Variants in PPA2 observed in about 807,000 individuals in gnomAD.
PPA2 encodes the protein inorganic pyrophosphatase 2, also known as inorganic pyrophosphatase 2, mitochondrial.
In PPA2, 48 loss-of-function variants were observed where a neutral mutation model predicts 49.5. The ratio of observed to expected loss-of-function variants is 0.97; its 90% confidence interval spans 0.77 to 1.23. The LOEUF (loss-of-function observed/expected upper bound fraction) is 1.23. Ranked by LOEUF, PPA2 falls within the 50% of genes most tolerant of loss-of-function variation. PPA2 has a pLI of 0.00. For synonymous variants in PPA2, 131 were observed against 139.9 expected (o/e 0.94, Z 0.45); for missense variants, 429 against 410.1 (o/e 1.05, Z -0.40).
chr4:105,473,830 C>G (rs1331019704), intron 1 of PPA2, 64 bp downstream of exon 1: 1 of 1,553,362 alleles, frequency 6.4e-7, no homozygotes, highest in African/African-American at 1.4e-5. Context: ...CAAGTGTCCC[C>G]CATTCCATCC....
At chr4:105,436,612 G>A (rs751695360) in intron 6 of PPA2, among the ~76,000 whole-genome samples, 1 of 151,902 alleles carries the variant, frequency 6.6e-6, no homozygotes, top group Non-Finnish European at 1.5e-5. Flanking sequence ...ACATGGTACT[G>A]GTACAAAAAT....
intron 3 of PPA2, among the ~76,000 whole-genome samples, chr4:105,451,431 G>A (rs2023840): frequency 0.89 from 135,281 of 152,282 alleles, 60,604 homozygotes; most frequent in African/African-American, 0.97. Flanking sequence ...ATTCTCAATA[G>A]CTGCTCCTTA....
At chr4:105,470,208 C>T (rs2866883) in intron 1 of PPA2, among the ~76,000 whole-genome samples, 126,074 of 152,220 alleles carry the variant, frequency 0.83, 52,476 homozygotes, top group Non-Finnish European at 0.85. Flanking sequence ...AACAAAAACA[C>T]GCAAGATATC....
At chr4:105,411,571 T>G (rs948237624) in intron 7 of PPA2, among the ~76,000 whole-genome samples, 7 of 152,228 alleles carry the variant, frequency 4.6e-5, no homozygotes, top group Non-Finnish European at 1.0e-4. Flanking sequence ...TTCAACATAG[T>G]GTTGGAAGTT....
intron 7 of PPA2, among the ~76,000 whole-genome samples, chr4:105,408,587 T>G (rs1261051800): frequency 6.6e-6 from 1 of 152,126 alleles, no homozygotes; most frequent in Admixed American, 6.5e-5. Context: ...ATTGAGGGAA[T>G]CTGGTGACAA....
At chr4:105,470,649 C>G (rs190478578) in intron 1 of PPA2, among the ~76,000 whole-genome samples, 60 of 152,326 alleles carry the variant, frequency 3.9e-4, no homozygotes, top group Non-Finnish European at 6.3e-4. Flanking sequence ...AGTCTAATGT[C>G]TTAAAGTCAA....
At chr4:105,404,545 T>G (rs1722369853) in intron 7 of PPA2, among the ~76,000 whole-genome samples, 1 of 152,208 alleles carries the variant, frequency 6.6e-6, no homozygotes, top group Non-Finnish European at 1.5e-5. Flanking sequence ...CCATTTCTGG[T>G]ACTTCCATAT....
intron 7 of PPA2, 118 bp from the exon 8 acceptor site, chr4:105,399,282 A>G (rs1015111887): frequency 1.6e-5 from 15 of 930,882 alleles, no homozygotes; most frequent in Admixed American, 2.5e-5. Flanking sequence ...CAGAAGCACA[A>G]TTGATTGTGA....
chr4:105,395,033 A>T (rs1200526496), intron 9 of PPA2, among the ~76,000 whole-genome samples: 2 of 152,068 alleles, frequency 1.3e-5, no homozygotes, highest in Non-Finnish European at 2.9e-5. Flanking sequence ...TTAATAAATT[A>T]TATTATTTAT....
intron 7 of PPA2, 124 bp downstream of exon 7, chr4:105,424,072 T>G (rs1457371700): frequency 9.9e-7 from 1 of 1,014,972 alleles, no homozygotes; most frequent in Admixed American, 2.6e-5. Flanking sequence ...TTTGTCTATC[T>G]ACATCTTTTC....
intron 7 of PPA2, chr4:105,405,148 A>G (rs1722402307): frequency 8.5e-6 from 5 of 590,700 alleles, no homozygotes; most frequent in Non-Finnish European, 1.1e-5. Flanking sequence ...GAAAAATACT[A>G]AACAGATTTT....
At chr4:105,409,520 A>G (rs1340140871) in intron 7 of PPA2, among the ~76,000 whole-genome samples, 1 of 152,226 alleles carries the variant, frequency 6.6e-6, no homozygotes, top group Non-Finnish European at 1.5e-5. Context: ...CCTGTCTGAT[A>G]GCTCTGAAGA....
chr4:105,380,132 A>G lies in PPA2; in HGVS notation c.939+6435T>C, dbSNP rs552330364. 2.6e-5 allele frequency among the ~76,000 whole-genome samples: 4 copies of G among 152,292 alleles called. No homozygotes were observed. In the South Asian group the frequency reaches 8.3e-4, roughly 32 times the overall value. ...CAGTACAATGCTGAACAATAGTAGT[A>G]GAAGCCAACTGGGCTTAGAGTCGTG... On this transcript the variant is annotated intron_variant, in intron 10 of 11. Transcript: ENST00000341695.
intron 9 of PPA2, among the ~76,000 whole-genome samples, chr4:105,393,906 A>T (rs910829543): frequency 2.6e-5 from 4 of 152,214 alleles, no homozygotes; most frequent in Admixed American, 6.5e-5. Context: ...GTTATGATAA[A>T]GAGAAAAATG....
At chr4:105,442,739 G>A (rs948863672) in intron 5 of PPA2, among the ~76,000 whole-genome samples, 7 of 152,154 alleles carry the variant, frequency 4.6e-5, no homozygotes, top group South Asian at 2.1e-4. Context: ...AATAATGATG[G>A]TATACTGATG....
At chr4:105,378,733 C>T (rs1360090770) in intron 10 of PPA2, among the ~76,000 whole-genome samples, 1 of 152,024 alleles carries the variant, frequency 6.6e-6, no homozygotes, top group Non-Finnish European at 1.5e-5. Flanking sequence ...CAATTACATA[C>T]AGTGCAAAAC....
chr4:105,447,661 T>A (rs764582662), intron 4 of PPA2, among the ~76,000 whole-genome samples: 1 of 152,076 alleles, frequency 6.6e-6, no homozygotes, highest in South Asian at 2.1e-4. Context: ...CTTGTCAATA[T>A]ACAATAAAGT....
chr4:105,412,080 G>GA (rs1722789347), intron 7 of PPA2, among the ~76,000 whole-genome samples: 1 of 151,942 alleles, frequency 6.6e-6, no homozygotes, highest in Non-Finnish European at 1.5e-5. Flanking sequence ...CACAGAATTG[G>GA]AAAAAAAGCT....
At chr4:105,374,394 T>C (rs1733153103) in intron 10 of PPA2, among the ~76,000 whole-genome samples, 1 of 152,202 alleles carries the variant, frequency 6.6e-6, no homozygotes, top group Non-Finnish European at 1.5e-5. Flanking sequence ...GACTGTGTCT[T>C]TTATTAAATA....
Sources: allele counts gnomAD v4.1 joint callset (sites outside exome capture counted in the v4.1 genomes callset), GRCh38; gene constraint gnomAD v4.1.1; transcripts MANE v1.5; gene names NCBI Gene and HGNC (gene_info 2026-07-23, HGNC 2026-07-21).